MAMDC2: variants seen among roughly 807,000 people sequenced by gnomAD.
MAMDC2 encodes MAM domain containing 2.
A neutral mutation model predicts 89.8 loss-of-function variants in MAMDC2; 57 were observed. The ratio of observed to expected loss-of-function variants is 0.63; its 90% CI spans 0.51 to 0.79. MAMDC2 has a LOEUF of 0.79. Among genes scored for constraint, MAMDC2 ranks in the 30% least tolerant of loss-of-function variants. The pLI is 0.00. For synonymous variants in MAMDC2, 313 were observed against 293.4 expected, an observed-to-expected ratio of 1.07 and a Z score of -0.68; for missense variants, 800 against 820.6, an observed-to-expected ratio of 0.97 and a Z score of 0.31.
chr9:70,200,604 T>G (rs2033081376), intron 11 of MAMDC2, among the ~76,000 whole-genome samples: 1 of 147,208 alleles, frequency 6.8e-6, no homozygotes, highest in South Asian at 2.2e-4. Context: ...CATTGGTAGC[T>G]TGATGGGGAT....
intron 11 of MAMDC2, chr9:70,188,762 A>ATTTT (rs10701601): frequency 0.056 from 5,354 of 95,090 alleles, 369 homozygotes; most frequent in East Asian, 0.093. Context: ...AAAACAATTG[A>ATTTT]TTTTTTTTTT....
chr9:70,117,405 G>A (rs2030055444), intron 5 of MAMDC2, among the ~76,000 whole-genome samples: 1 of 152,086 alleles, frequency 6.6e-6, no homozygotes, highest in African/African-American at 2.4e-5. Context: ...TCACTCATAA[G>A]TGGGAGCTGA....
At chr9:70,145,163 T>C (rs1267749689) in intron 9 of MAMDC2, among the ~76,000 whole-genome samples, 1 of 152,216 alleles carries the variant, frequency 6.6e-6, no homozygotes, top group Non-Finnish European at 1.5e-5. Context: ...TTCTTATTAT[T>C]TGTATGCGAA....
At position 70,149,805 on chromosome 9, in the gene MAMDC2, A is replaced by C. The variant is rs2118444202; in HGVS notation, c.1404+5986A>C. On this transcript the variant is annotated intron_variant, in intron 9 of 13. Coordinates refer to ENST00000377182, the MANE Select transcript of MAMDC2 (RefSeq NM_153267.5). Reference sequence around the variant, plus strand: ...CTCTGAATAACCACAATAAAAGCAAAAAAGAAGAGAGCAATAAGAAAGACC... The same window carrying C: ...CTCTGAATAACCACAATAAAAGCAACAAAGAAGAGAGCAATAAGAAAGACC... Among the ~76,000 whole-genome samples, 2 of 152,294 alleles carry C rather than the reference A, an allele frequency of 1.3e-5. 1 individual carries two copies. The highest frequency in any genetic ancestry group is 4.1e-4 in the South Asian group (2 of 4,826).
rs1269443716 is a variant in MAMDC2 at position 70,192,079 on chromosome 9, A to C, written c.1651+21448A>C. On this transcript the variant is annotated intron_variant, in intron 11 of 13. Transcript: ENST00000377182. ...TGTTCTCTGAATAGCATCTAAACTG[A>C]AACAGGCAAGTCCCCCAAGGTGGAA... is the stretch of plus-strand genomic sequence containing the variant. Among the ~76,000 whole-genome samples the C allele has an allele frequency of 2.6e-5, 4 of 152,106 alleles. No homozygotes were observed. In the East Asian group the frequency reaches 7.7e-4, roughly 29 times the overall value.
chr9:70,093,446 A>C (rs990857421), intron 2 of MAMDC2, among the ~76,000 whole-genome samples: 2 of 142,350 alleles, frequency 1.4e-5, no homozygotes, highest in Non-Finnish European at 3.0e-5. Context: ...TTTTCTTCAG[A>C]TGGAGCCTTG....
At chr9:70,104,507 G>A (rs962562043) in intron 2 of MAMDC2, among the ~76,000 whole-genome samples, 6 of 152,112 alleles carry the variant, frequency 3.9e-5, no homozygotes, top group Non-Finnish European at 5.9e-5. Context: ...TTAATGGCAG[G>A]ATTATTCATA....
intron 2 of MAMDC2, among the ~76,000 whole-genome samples, chr9:70,053,506 C>T (rs752501044): frequency 5.3e-5 from 8 of 152,158 alleles, no homozygotes; most frequent in African/African-American, 9.7e-5. Context: ...CCCTTGGTGG[C>T]GGCCCTAGGC....
At chr9:70,123,215 A>C (rs1333597691) in intron 5 of MAMDC2, among the ~76,000 whole-genome samples, 2 of 152,272 alleles carry the variant, frequency 1.3e-5, no homozygotes, top group African/African-American at 4.8e-5. Context: ...ACAAAGAGCA[A>C]TGAAGACTTC....
intron 11 of MAMDC2, chr9:70,172,814 C>G (rs1182882293): frequency 1.3e-5 from 2 of 153,100 alleles, no homozygotes; most frequent in South Asian, 4.1e-4. Context: ...CAGATGCTCA[C>G]TTTCAGCATT....
At chr9:70,112,908 G>C (rs1828547737) in intron 4 of MAMDC2, 87 bp from the exon 5 acceptor site, 1 of 1,532,282 alleles carries the variant, frequency 6.5e-7, no homozygotes, top group East Asian at 2.3e-5. Flanking sequence ...AGAAACTTCT[G>C]AATATCTAAG....
chr9:70,142,966 G>T (rs2031277840), intron 8 of MAMDC2, among the ~76,000 whole-genome samples: 1 of 152,106 alleles, frequency 6.6e-6, no homozygotes, highest in South Asian at 2.1e-4. Flanking sequence ...TGTTTAGGAG[G>T]AATAAAGGAA....
intron 5 of MAMDC2, among the ~76,000 whole-genome samples, chr9:70,121,663 A>G (rs1445618120): frequency 6.6e-6 from 1 of 151,976 alleles, no homozygotes; most frequent in Non-Finnish European, 1.5e-5. Flanking sequence ...CTGTCTACTT[A>G]AAGTCCATCT....
chr9:70,192,025 A>T (rs2032890592), intron 11 of MAMDC2, among the ~76,000 whole-genome samples: 3 of 152,114 alleles, frequency 2.0e-5, no homozygotes, highest in Middle Eastern at 6.8e-3. Context: ...ACCCAGTGAG[A>T]TCTGTTGGTT....
intron 3 of MAMDC2, 127 bp downstream of exon 3, chr9:70,108,609 T>C (rs1828410930): frequency 1.3e-6 from 1 of 753,718 alleles, no homozygotes. Flanking sequence ...TTTCATAAGA[T>C]ACATACCATA....
At chr9:70,182,450 C>T (rs1193085519) in intron 11 of MAMDC2, among the ~76,000 whole-genome samples, 1 of 152,064 alleles carries the variant, frequency 6.6e-6, no homozygotes, top group East Asian at 1.9e-4. Flanking sequence ...CTCTTTGTAC[C>T]TCTGGTAGAA....
At chr9:70,062,800 G>A (rs1827178792) in intron 2 of MAMDC2, 1 of 152,160 alleles carries the variant, frequency 6.6e-6, no homozygotes, top group Non-Finnish European at 1.5e-5. Flanking sequence ...CTGCCTAGGT[G>A]TACTCTATAT....
chr9:70,064,903 C>A (rs151275448), intron 2 of MAMDC2, among the ~76,000 whole-genome samples: 2 of 152,218 alleles, frequency 1.3e-5, no homozygotes, highest in East Asian at 3.9e-4. Context: ...TATATAACCT[C>A]GTGCTACAAA....
intron 7 of MAMDC2, among the ~76,000 whole-genome samples, chr9:70,134,288 C>A (rs1051003674): frequency 3.9e-5 from 5 of 127,834 alleles, no homozygotes; most frequent in Non-Finnish European, 6.4e-5. Context: ...CAATGAACTG[C>A]CCCCCACACC....
Sources: allele counts gnomAD v4.1 joint callset (sites outside exome capture counted in the v4.1 genomes callset), GRCh38; gene constraint gnomAD v4.1.1; transcripts MANE v1.5; gene names NCBI Gene and HGNC (gene_info 2026-07-23, HGNC 2026-07-21).